The following PUDP variants were observed in gnomAD, a reference collection of about 807,000 sequenced individuals.
The protein encoded by PUDP is pseudouridine 5'-phosphatase, also known as pseudouridine-5'-phosphatase.
In PUDP, 8 loss-of-function variants were observed where a neutral mutation model predicts 9.4. The ratio of observed to expected loss-of-function variants is 0.85; its 90% CI spans 0.50 to 1.53. The LOEUF is 1.53. Among genes scored for constraint, PUDP ranks in the 40% most tolerant of loss-of-function variants. The pLI is 0.00. For synonymous variants in PUDP, 99 were observed against 80.7 expected (o/e 1.23, Z -1.22); for missense variants, 188 against 189.7 (o/e 0.99, Z 0.05).
At chrX:6,882,360 G>A (rs1468274804) in intron 3 of PUDP, among the ~76,000 whole-genome samples, 1 of 111,253 alleles carries the variant, frequency 9.0e-6, no homozygotes, top group Non-Finnish European at 1.9e-5. Flanking sequence ...TTTATCATGG[G>A]GATACGTGAC....
At chrX:6,948,414 C>T (rs1928501559) in intron 3 of PUDP, among the ~76,000 whole-genome samples, 1 of 111,843 alleles carries the variant, frequency 8.9e-6, no homozygotes, top group Non-Finnish European at 1.9e-5. Context: ...GTCTCTTTTG[C>T]TCGCTTCCCA....
chrX:7,011,275 G>T (rs1046392199), intron 1 of PUDP, among the ~76,000 whole-genome samples: 3 of 111,857 alleles, frequency 2.7e-5, no homozygotes, highest in African/African-American at 9.8e-5. Context: ...CAAAACAACA[G>T]AATCTTCTCT....
At chrX:6,836,113 ATT>A (rs1412614468) in intron 3 of PUDP, among the ~76,000 whole-genome samples, 2 of 111,700 alleles carry the variant, frequency 1.8e-5, no homozygotes, top group African/African-American at 6.5e-5. Context: ...TAATAATACT[ATT>A]TTAAAATTTG....
intron 3 of PUDP, among the ~76,000 whole-genome samples, chrX:6,784,185 G>C (rs1925609510): frequency 8.9e-6 from 1 of 111,746 alleles, no homozygotes; most frequent in African/African-American, 3.3e-5. Context: ...TTTTAGTTTA[G>C]ATGCCCTCCA....
chrX:6,843,825 T>C (rs777075949), intron 3 of PUDP, among the ~76,000 whole-genome samples: 1 of 112,925 alleles, frequency 8.9e-6, no homozygotes, highest in South Asian at 3.7e-4. Context: ...AACTTGAATT[T>C]ACCTGTCCAA....
chrX:6,995,236 C>A (rs763631155), intron 1 of PUDP, among the ~76,000 whole-genome samples: 1 of 111,074 alleles, frequency 9.0e-6, no homozygotes, highest in Admixed American at 9.5e-5. Context: ...CTAATGAATA[C>A]AAGAAGGCTG....
chrX:7,021,078 A>G (rs1250411680), intron 1 of PUDP, among the ~76,000 whole-genome samples: 1 of 112,710 alleles, frequency 8.9e-6, no homozygotes, highest in Non-Finnish European at 1.9e-5. Context: ...TAGAGAGGTC[A>G]TGAAGACAGA....
At chrX:6,973,954 G>A (rs1928916450) in intron 3 of PUDP, among the ~76,000 whole-genome samples, 1 of 111,829 alleles carries the variant, frequency 8.9e-6, no homozygotes, top group Non-Finnish European at 1.9e-5. Context: ...TTATCATTAT[G>A]TAATGCCCTT....
At chrX:7,083,990 T>C (rs140992487) in intron 2 of PUDP, among the ~76,000 whole-genome samples, 1,947 of 112,111 alleles carry the variant, frequency 0.017, 21 homozygotes, top group Admixed American at 0.039. Context: ...AGAAACTGCC[T>C]GATTGATATT....
At chrX:6,877,083 A>C (rs72609576) in intron 3 of PUDP, among the ~76,000 whole-genome samples, 10,125 of 109,364 alleles carry the variant, frequency 0.093, 599 homozygotes, top group East Asian at 0.46. Flanking sequence ...GATCCTCCCG[A>C]GTAGCTGGGA....
chrX:7,131,814 A>G lies in PUDP; in HGVS notation c.61+16239T>C, dbSNP rs12014253. Among the ~76,000 whole-genome samples the G allele has an allele frequency of 8.7e-3, 901 of 104,005 alleles. 9 individuals are homozygous for G. Among genetic ancestry groups the G allele is most frequent in the African/African-American group, 0.03 (836 of 28,307 alleles). The allele number at this position is 104,005 out of a possible 115,157, so 90.3% of individuals were successfully genotyped here. On this transcript the variant is annotated intron_variant, in intron 1 of 3. Coordinates refer to ENST00000381077, the MANE Select transcript of PUDP (RefSeq NM_012080.5). ...AAATGTGAATTCCTTAGCCTGGCACAGGGCTCGCCGCCATCTGCCCTTGGC... is the reference window on the plus strand; with the variant it reads ...AAATGTGAATTCCTTAGCCTGGCACGGGGCTCGCCGCCATCTGCCCTTGGC...
intron 3 of PUDP, among the ~76,000 whole-genome samples, chrX:6,965,282 T>C (rs1196237178): frequency 8.1e-4 from 1 of 1,238 alleles, no homozygotes; most frequent in Non-Finnish European, 1.2e-3. Context: ...CTCTAAGATA[T>C]TTTTTAAACA....
chrX:6,793,306 T>G (rs1039782650), intron 3 of PUDP, among the ~76,000 whole-genome samples: 5 of 111,943 alleles, frequency 4.5e-5, no homozygotes, highest in Admixed American at 9.4e-5. Context: ...GGGATAAGCT[T>G]GCTCTCTCAA....
intron 3 of PUDP, among the ~76,000 whole-genome samples, chrX:6,925,188 G>A (rs961037922): frequency 8.9e-6 from 1 of 111,975 alleles, no homozygotes; most frequent in East Asian, 2.8e-4. Context: ...GGTGGTGCAC[G>A]CCTGTGGTCC....
intron 1 of PUDP, among the ~76,000 whole-genome samples, chrX:6,720,837 G>A (rs1368960718): frequency 9.0e-6 from 1 of 110,850 alleles, no homozygotes; most frequent in East Asian, 2.8e-4. Flanking sequence ...GGGAATAAAA[G>A]AATTCATATC....
chrX:6,992,725 G>A (rs1929202030), intron 1 of PUDP, among the ~76,000 whole-genome samples: 1 of 111,339 alleles, frequency 9.0e-6, no homozygotes, highest in Admixed American at 9.5e-5. Flanking sequence ...CAACTTGATT[G>A]AATTGAAGGA....
chrX:6,810,841 G>T (rs143401641), intron 3 of PUDP, among the ~76,000 whole-genome samples: 3 of 111,706 alleles, frequency 2.7e-5, no homozygotes, highest in Non-Finnish European at 3.8e-5. Context: ...AACTACTATT[G>T]CTGTCCCCAA....
At chrX:6,981,690 C>T (rs1929035083) in intron 1 of PUDP, among the ~76,000 whole-genome samples, 1 of 111,089 alleles carries the variant, frequency 9.0e-6, no homozygotes, top group Non-Finnish European at 1.9e-5. Flanking sequence ...ACTTCTTGGG[C>T]CATTTTAGAA....
chrX:7,106,392 C>T (rs62588753), intron 1 of PUDP, among the ~76,000 whole-genome samples: 36,962 of 111,138 alleles, frequency 0.33, 4,690 homozygotes, highest in Middle Eastern at 0.47. Flanking sequence ...AATTAACTCC[C>T]GGCTCGGCAC....
Sources: allele counts gnomAD v4.1 joint callset (sites outside exome capture counted in the v4.1 genomes callset), GRCh38; gene constraint gnomAD v4.1.1; transcripts MANE v1.5; gene names NCBI Gene and HGNC (gene_info 2026-07-23, HGNC 2026-07-21).